The following VEZT variants were observed in gnomAD, a reference collection of about 807,000 sequenced individuals.
The protein encoded by VEZT is vezatin.
A neutral mutation model predicts 79.9 loss-of-function variants in VEZT; 39 were observed. The ratio of observed to expected loss-of-function variants is 0.49; its 90% CI spans 0.38 to 0.64. The LOEUF is 0.64. Ranked by LOEUF, VEZT falls within the 30% of genes least tolerant of loss-of-function variation. VEZT has a pLI of 0.00. For synonymous variants in VEZT, 325 were observed against 327.6 expected, an observed-to-expected ratio of 0.99 and a Z score of 0.09; for missense variants, 837 against 893.1, an observed-to-expected ratio of 0.94 and a Z score of 0.80.
At chr12:95,271,993 C>T (rs111996580) in intron 6 of VEZT, among the ~76,000 whole-genome samples, 27 of 152,124 alleles carry the variant, frequency 1.8e-4, no homozygotes, top group Middle Eastern at 3.4e-3. Context: ...ATAGTGAGAC[C>T]TTGTCTCTTA....
rs200702135 is a variant in VEZT at position 95,300,483 on chromosome 12, C to G, written c.2150C>G (p.Ser717Ter). Residue 717 changes from serine to a stop codon, truncating the protein, a stop_gained, in exon 12 of 12, where the codon TCA becomes TGA. Transcript: ENST00000436874. LOFTEE classifies it high-confidence loss of function. ...LTTAPPTPRD[S>*]LQPSIKQRLA... is the part of the protein sequence containing the mutation. The stretch of plus-strand genomic sequence containing the variant: ...ACTGCCCCTCCAACTCCCAGGGACT[C>G]ATTACAGCCCTCCATTAAGCAGAGG... 1.9e-6 allele frequency: 3 copies of G among 1,613,966 alleles called. No individual in the cohort carries two copies. In the South Asian group the frequency reaches 3.3e-5, roughly 18 times the overall value.
At chr12:95,268,430 A>G (rs1228402419) in intron 5 of VEZT, among the ~76,000 whole-genome samples, 3 of 152,156 alleles carry the variant, frequency 2.0e-5, no homozygotes, top group Non-Finnish European at 4.4e-5. Flanking sequence ...CCCGGGAGGC[A>G]GAGCTTGCAG....
chr12:95,296,792 T>G (rs916386991), intron 11 of VEZT: 1 of 152,066 alleles, frequency 6.6e-6, no homozygotes, highest in African/African-American at 2.4e-5. Context: ...ATACAAAAAT[T>G]AACAAGGCAT....
chr12:95,234,109 T>G (rs1475488769), intron 1 of VEZT, among the ~76,000 whole-genome samples: 6 of 152,150 alleles, frequency 3.9e-5, no homozygotes, highest in African/African-American at 1.2e-4. Flanking sequence ...TCTTCAAAGG[T>G]GAAGTTTAAC....
intron 5 of VEZT, 98 bp downstream of exon 5, chr12:95,266,730 GA>G (rs906204617): frequency 4.6e-5 from 58 of 1,273,344 alleles, no homozygotes; most frequent in Middle Eastern, 2.8e-4. Context: ...GCATTTATAG[GA>G]AAAAAAAGTG....
chr12:95,295,965 C>A, intron 10 of VEZT, 86 bp from the exon 11 acceptor site: 1 of 1,019,178 alleles, frequency 9.8e-7, no homozygotes, highest in Non-Finnish European at 1.4e-6. Flanking sequence ...TTTTTAATCT[C>A]AGAGATAAGT....
intron 1 of VEZT, among the ~76,000 whole-genome samples, chr12:95,241,042 T>C (rs910396400): frequency 2.0e-5 from 3 of 151,806 alleles, no homozygotes; most frequent in Admixed American, 2.0e-4. Context: ...TTTTGTTTTG[T>C]TTTTGTTTTT....
chr12:95,234,445 A>G (rs1392665404), intron 1 of VEZT, among the ~76,000 whole-genome samples: 1 of 150,956 alleles, frequency 6.6e-6, no homozygotes, highest in Non-Finnish European at 1.5e-5. Flanking sequence ...ATGCGCCACC[A>G]CCCCCGGCTA....
intron 1 of VEZT, among the ~76,000 whole-genome samples, chr12:95,251,190 T>C (rs2062547770): frequency 1.3e-5 from 2 of 152,146 alleles, no homozygotes; most frequent in Admixed American, 1.3e-4. Context: ...TTTATATTTT[T>C]AGTAGAGTCA....
At chr12:95,252,101 G>C in intron 2 of VEZT, 30 bp downstream of exon 2, 1 of 1,590,472 alleles carries the variant, frequency 6.3e-7, no homozygotes, top group Non-Finnish European at 8.5e-7. Flanking sequence ...CTTTCTGGCC[G>C]AATCTTTTGC....
intron 9 of VEZT, among the ~76,000 whole-genome samples, chr12:95,292,270 GT>G: frequency 6.6e-6 from 1 of 152,248 alleles, no homozygotes; most frequent in African/African-American, 2.4e-5. Context: ...CAAATTGGGT[GT>G]TTTGTTTTGT....
chr12:95,287,381 G>A (rs763613719), intron 8 of VEZT, among the ~76,000 whole-genome samples: 18 of 151,668 alleles, frequency 1.2e-4, no homozygotes, highest in Non-Finnish European at 2.2e-4. Flanking sequence ...GTGCAGTGGC[G>A]CTATTGTGGC....
intron 6 of VEZT, among the ~76,000 whole-genome samples, chr12:95,272,064 G>A (rs1307495548): frequency 6.6e-6 from 1 of 152,140 alleles, no homozygotes; most frequent in African/African-American, 2.4e-5. Context: ...CAGCTACTTA[G>A]GAGGCTGAGA....
intron 7 of VEZT, among the ~76,000 whole-genome samples, chr12:95,279,825 T>C (rs922970221): frequency 6.6e-6 from 1 of 152,194 alleles, no homozygotes; most frequent in Non-Finnish European, 1.5e-5. Context: ...TCCCAACTAC[T>C]GGCCTCAAGT....
intron 9 of VEZT, among the ~76,000 whole-genome samples, chr12:95,288,909 T>C (rs1023436488): frequency 6.6e-6 from 1 of 151,784 alleles, no homozygotes; most frequent in Admixed American, 6.6e-5. Flanking sequence ...AGAAGACCTT[T>C]GGTTGTTAAA....
At chr12:95,271,076 G>A (rs925630283) in intron 6 of VEZT, among the ~76,000 whole-genome samples, 2 of 152,096 alleles carry the variant, frequency 1.3e-5, no homozygotes, top group African/African-American at 2.4e-5. Context: ...TGAGAAAACT[G>A]AAATAGAGGT....
chr12:95,288,311 T>G (rs2071532697), intron 9 of VEZT, among the ~76,000 whole-genome samples: 1 of 152,188 alleles, frequency 6.6e-6, no homozygotes, highest in African/African-American at 2.4e-5. Flanking sequence ...AGTACTAAGA[T>G]CTAAAGACAT....
chr12:95,265,728 C>T (rs1334069003), intron 4 of VEZT, among the ~76,000 whole-genome samples: 2 of 151,978 alleles, frequency 1.3e-5, no homozygotes, highest in Non-Finnish European at 2.9e-5. Flanking sequence ...CTATTTCAAG[C>T]TTTTGGCAAA....
In VEZT at chr12:95,274,818, C is replaced by T; in HGVS notation, c.925C>T (p.Leu309Phe). ...VVPFKELGLG[L>F]SEEQISEEEA... ...GCCTTTTAAAGAGCTGGGCCTTGGA[C>T]TTAGTGAAGAGCAGATTTCAGAAGA... The change falls in exon 7 of 12, where the codon CTT becomes TTT. Residue 309 changes from leucine (L) to phenylalanine (F), a missense_variant. Physicochemically the swap from Leu to Phe is conservative, Grantham distance 22. Transcript: ENST00000436874. The T allele has an allele frequency of 1.9e-6, 3 of 1,613,870 alleles. No individual in the cohort carries two copies. Among genetic ancestry groups the T allele is most frequent in the African/African-American group, 1.3e-5 (1 of 75,016 alleles).
Sources: allele counts gnomAD v4.1 joint callset (sites outside exome capture counted in the v4.1 genomes callset), GRCh38; gene constraint gnomAD v4.1.1; transcripts MANE v1.5; gene names NCBI Gene and HGNC (gene_info 2026-07-23, HGNC 2026-07-21).